DLG2: variants seen among roughly 807,000 people sequenced by gnomAD.
The protein encoded by DLG2 is discs large MAGUK scaffold protein 2, also known as disks large homolog 2.
DLG2 carries 45 observed loss-of-function variants against 132.5 expected under a neutral mutation model. That is an observed-to-expected ratio of 0.34 (90% CI 0.27 to 0.44). The LOEUF (loss-of-function observed/expected upper bound fraction) is 0.44. DLG2 is among the 20% of genes least tolerant of loss of function. The pLI is 1.00. For synonymous variants in DLG2, 424 were observed against 419.6 expected, an observed-to-expected ratio of 1.01 and a Z score of -0.13; for missense variants, 1,045 against 1,196.9, an observed-to-expected ratio of 0.87 and a Z score of 1.87.
intron 8 of DLG2, among the ~76,000 whole-genome samples, chr11:84,201,618 C>T (rs1429655660): frequency 1.3e-5 from 2 of 150,368 alleles, no homozygotes; most frequent in South Asian, 2.1e-4. Context: ...TTTATTACTG[C>T]CTCAATTACA....
chr11:84,292,999 A>T (rs968712981), intron 7 of DLG2, among the ~76,000 whole-genome samples: 1 of 152,208 alleles, frequency 6.6e-6, no homozygotes, highest in African/African-American at 2.4e-5. Flanking sequence ...TAGGTTGGAC[A>T]AGCTTGATTT....
At chr11:84,910,012 G>T (rs980765071) in intron 6 of DLG2, among the ~76,000 whole-genome samples, 2 of 152,174 alleles carry the variant, frequency 1.3e-5, no homozygotes, top group Admixed American at 6.5e-5. Flanking sequence ...GAATCACCTA[G>T]TGCTGTAAAA....
intron 6 of DLG2, among the ~76,000 whole-genome samples, chr11:84,660,259 G>A (rs1254250486): frequency 6.6e-6 from 1 of 152,108 alleles, no homozygotes; most frequent in Non-Finnish European, 1.5e-5. Context: ...TACCTCCCAG[G>A]AACTGAGTGT....
At chr11:84,013,801 A>C (rs1373113218) in intron 11 of DLG2, among the ~76,000 whole-genome samples, 1 of 140,534 alleles carries the variant, frequency 7.1e-6, no homozygotes. Flanking sequence ...AGGGAGATAG[A>C]GGTTGCAGTG....
chr11:85,278,515 G>A (rs183841792), intron 4 of DLG2, among the ~76,000 whole-genome samples: 6 of 152,070 alleles, frequency 3.9e-5, no homozygotes, highest in South Asian at 2.1e-4. Flanking sequence ...CGGGAGAATC[G>A]CTTGAACCTG....
intron 7 of DLG2, among the ~76,000 whole-genome samples, chr11:84,268,587 G>T (rs959035574): frequency 1.3e-5 from 2 of 150,772 alleles, no homozygotes; most frequent in African/African-American, 4.9e-5. Context: ...TCAGCCTCCC[G>T]AGTAGCTGGG....
intron 7 of DLG2, among the ~76,000 whole-genome samples, chr11:84,493,362 A>T (rs563522059): frequency 6.6e-6 from 1 of 152,240 alleles, no homozygotes; most frequent in Non-Finnish European, 1.5e-5. Flanking sequence ...TTATCTAAAT[A>T]TAAGTAGTGG....
intron 7 of DLG2, among the ~76,000 whole-genome samples, chr11:84,351,984 C>T (rs1031392335): frequency 6.6e-6 from 1 of 152,178 alleles, no homozygotes; most frequent in African/African-American, 2.4e-5. Flanking sequence ...AAACAAATTT[C>T]TTGAGGTAAA....
At chr11:84,290,114 A>G (rs753385988) in intron 7 of DLG2, among the ~76,000 whole-genome samples, 11 of 152,116 alleles carry the variant, frequency 7.2e-5, no homozygotes, top group Admixed American at 2.6e-4. Context: ...TTAGATGTCA[A>G]CTCAGATCAT....
intron 15 of DLG2, among the ~76,000 whole-genome samples, chr11:83,899,017 G>T (rs527684752): frequency 6.6e-6 from 1 of 152,266 alleles, no homozygotes; most frequent in East Asian, 1.9e-4. Flanking sequence ...CCATTACCAG[G>T]TGTCAGATGG....
intron 4 of DLG2, among the ~76,000 whole-genome samples, chr11:85,264,913 AG>A (rs1446745213): frequency 6.6e-6 from 1 of 152,174 alleles, no homozygotes; most frequent in African/African-American, 2.4e-5. Flanking sequence ...AGATTACGTA[AG>A]GTTCTTATTA....
At chr11:84,672,643 C>T (rs1365934690) in intron 6 of DLG2, among the ~76,000 whole-genome samples, 3 of 152,092 alleles carry the variant, frequency 2.0e-5, no homozygotes, top group Non-Finnish European at 4.4e-5. Flanking sequence ...AGAAAAGCGC[C>T]TTAAAATGGA....
At chr11:83,849,144 C>T (rs1011608334) in intron 16 of DLG2, among the ~76,000 whole-genome samples, 4 of 152,054 alleles carry the variant, frequency 2.6e-5, no homozygotes, top group African/African-American at 7.2e-5. Flanking sequence ...TTATTAGCTA[C>T]AAGACTTTGG....
In DLG2 at chr11:85,550,576, G is replaced by A. The variant is rs59271821; in HGVS notation, c.40+48081C>T. ...AGCACTCATGCACGCCAGTTCCCAG[G>A]AGGAGTTGAGAGCGGCAGGCTGAGT... On this transcript the variant is annotated intron_variant, in intron 3 of 27. Coordinates refer to ENST00000376104, the MANE Select transcript of DLG2 (RefSeq NM_001142699.3). Among the ~76,000 whole-genome samples the A allele has an allele frequency of 3.3e-5, 5 of 149,568 alleles. No homozygotes were observed. In the East Asian group the frequency reaches 7.7e-4, roughly 23 times the overall value.
intron 7 of DLG2, among the ~76,000 whole-genome samples, chr11:84,319,246 TTATAC>T (rs1459919761): frequency 6.6e-6 from 1 of 152,048 alleles, no homozygotes; most frequent in Admixed American, 6.6e-5. Context: ...GATCAATAGA[TTATAC>T]CTGAAAGAAC....
At chr11:84,337,774 G>T (rs781775383) in intron 7 of DLG2, among the ~76,000 whole-genome samples, 30 of 152,070 alleles carry the variant, frequency 2.0e-4, no homozygotes, top group Non-Finnish European at 4.0e-4. Flanking sequence ...ACTTAAATAA[G>T]AATTTATTAG....
At position 85,343,600 on chromosome 11, in the gene DLG2, A is replaced by G. The variant is rs138351663; in HGVS notation, c.41-58235T>C. Among the ~76,000 whole-genome samples, 37 of 152,180 alleles carry G rather than the reference A, an allele frequency of 2.4e-4. No homozygotes were observed. The East Asian group carries it at 6.7e-3, about 28-fold the overall frequency. On this transcript the variant is annotated intron_variant, in intron 3 of 27. Coordinates refer to ENST00000376104, the MANE Select transcript of DLG2 (RefSeq NM_001142699.3). ...CAGCTTATTATGACCTAAAAAGTTCACTTATGTGTGCACACGTTCTCTCTC... is the reference window on the plus strand; with the variant it reads ...CAGCTTATTATGACCTAAAAAGTTCGCTTATGTGTGCACACGTTCTCTCTC...
At chr11:84,682,734 C>G (rs955033914) in intron 6 of DLG2, among the ~76,000 whole-genome samples, 1 of 152,186 alleles carries the variant, frequency 6.6e-6, no homozygotes, top group Admixed American at 6.5e-5. Context: ...TTAATCTAAT[C>G]TCACACAGAG....
intron 6 of DLG2, among the ~76,000 whole-genome samples, chr11:84,994,172 A>T (rs746780928): frequency 6.6e-6 from 1 of 152,238 alleles, no homozygotes; most frequent in Non-Finnish European, 1.5e-5. Context: ...AACAATATGT[A>T]GTCCAGGTTT....
Sources: gnomAD v4.1 joint callset for allele counts (sites outside exome capture counted in the v4.1 genomes callset) on GRCh38, gnomAD v4.1.1 for gene constraint, MANE v1.5 for transcripts, NCBI Gene and HGNC (gene_info 2026-07-23, HGNC 2026-07-21) for gene names.